Variants in TMEM201 observed in about 807,000 individuals in gnomAD.
TMEM201 encodes transmembrane protein 201, also known as RP13-15M17.2.
Under a neutral mutation model 63.4 loss-of-function variants are expected in TMEM201, and 26 were observed. The ratio of observed to expected loss-of-function variants is 0.41; its 90% CI spans 0.30 to 0.57. The LOEUF is 0.57. Among genes scored for constraint, TMEM201 ranks in the 20% least tolerant of loss-of-function variants. TMEM201 has a pLI of 0.29. For synonymous variants in TMEM201, 417 were observed against 421.6 expected (o/e 0.99, Z 0.14); for missense variants, 794 against 917.7 (o/e 0.87, Z 1.74).
intron 1 of TMEM201, among the ~76,000 whole-genome samples, chr1:9,593,395 C>A (rs988168434): frequency 7.2e-5 from 11 of 152,300 alleles, no homozygotes; most frequent in Middle Eastern, 3.4e-3. Flanking sequence ...TGGGAGAGGA[C>A]CCCCTGGCAG....
Position 9,592,330 on chromosome 1 carries a change from C to A in TMEM201, c.113+3287C>A, listed in dbSNP as rs144411969. On this transcript the variant is annotated intron_variant, in intron 1 of 10. Transcript: ENST00000340381. ...GGCCCCTGAGGGAACCTGACTCTTA[C>A]AGTCTTTCCAACCCCGCACTGGGGC... is the stretch of plus-strand genomic sequence containing the variant. 9.9e-3 allele frequency among the ~76,000 whole-genome samples: 1,512 copies of A among 152,350 alleles called. 26 individuals carry two copies. Among genetic ancestry groups the A allele is most frequent in the African/African-American group, 0.034 (1,419 of 41,578 alleles).
intron 2 of TMEM201, 138 bp from the exon 3 acceptor site, chr1:9,596,721 G>A (rs916301791): frequency 3.3e-5 from 29 of 879,284 alleles, no homozygotes; most frequent in Non-Finnish European, 4.6e-5. Flanking sequence ...CTGCTGTTGT[G>A]TGCAGAAGAA....
Position 9,608,402 on chromosome 1 carries a change from C to T in TMEM201, c.1393+613C>T, listed in dbSNP as rs569585521. The stretch of plus-strand genomic sequence containing the variant: ...CAACATGCCCCTCAGCAAAGGGGGC[C>T]ACTCTAGTTATTCTAGGGGAGGAGA... On this transcript the variant is annotated intron_variant, in intron 7 of 10. Coordinates refer to ENST00000340381, the MANE Select transcript of TMEM201 (RefSeq NM_001130924.3). The surrounding 1 kb of genome is among the most constrained non-coding windows in gnomAD (Gnocchi z 4.3). 6.6e-5 allele frequency among the ~76,000 whole-genome samples: 10 copies of T among 152,238 alleles called. No homozygotes were observed. Among genetic ancestry groups the T allele is most frequent in the Non-Finnish European group, 1.5e-4 (10 of 68,052 alleles).
At chr1:9,597,926 C>T (rs903320704) in intron 3 of TMEM201, among the ~76,000 whole-genome samples, 3 of 152,188 alleles carry the variant, frequency 2.0e-5, no homozygotes, top group East Asian at 1.9e-4. Flanking sequence ...CAGTGCTGCA[C>T]GTCTAAGGGC....
chr1:9,601,426 C>T lies in TMEM201; in HGVS notation c.928C>T (p.Leu310=). 1 of 1,592,382 alleles carries T rather than the reference C, an allele frequency of 6.3e-7. No individual in the cohort carries two copies. Among genetic ancestry groups the T allele is most frequent in the African/African-American group, 1.3e-5 (1 of 74,932 alleles). The change falls in exon 5 of 11, where the codon CTG becomes TTG. Residue 310 remains leucine, a synonymous_variant. Transcript: ENST00000340381. The stretch of plus-strand genomic sequence containing the variant: ...GGCACTGGGCCTACTCACCTGCCTG[C>T]TGGCAATGCTGCTGGCTGGCCGCAT... ...VVALGLLTCL[L]AMLLAGRIRL...
chr1:9,604,072 GAGA>G lies in TMEM201; in HGVS notation c.1160+1803_1160+1805del. 1 of 985,458 alleles carries G rather than the reference GAGA, an allele frequency of 1.0e-6. No homozygotes were observed. The highest frequency in any genetic ancestry group is 1.2e-6 in the Non-Finnish European group (1 of 829,968). The allele number at this position is 985,458 out of a possible 1,614,324, so 61.0% of individuals were successfully genotyped here. On this transcript the variant is annotated intron_variant, in intron 6 of 10. Transcript: ENST00000340381. This position sits in a 1 kb window ranked among gnomAD's most constrained non-coding sequence, Gnocchi z 4.1. ...CCCAGCCCACAAAGAGCCCATCTGA[GAGA>G]AGGACGTGGTGGAGCCAGGACGGGA...
intron 1 of TMEM201, among the ~76,000 whole-genome samples, chr1:9,594,695 T>C (rs1326053959): frequency 1.3e-5 from 2 of 152,198 alleles, no homozygotes; most frequent in Non-Finnish European, 1.5e-5. Context: ...CTCAGGCCCC[T>C]GGCCAGCCCG....
intron 6 of TMEM201, chr1:9,602,873 G>A (rs900258487): frequency 4.5e-5 from 44 of 985,584 alleles, no homozygotes; most frequent in African/African-American, 1.0e-4. Flanking sequence ...TGGTGGAGCC[G>A]TGAAGGAGGC....
chr1:9,594,124 A>G (rs1031034751), intron 1 of TMEM201, among the ~76,000 whole-genome samples: 3 of 152,146 alleles, frequency 2.0e-5, no homozygotes, highest in African/African-American at 7.2e-5. Context: ...TGGGGCAGGG[A>G]TGCTCAGCAG....
chr1:9,602,155 C>G lies in TMEM201; in HGVS notation c.1043C>G (p.Ser348Trp). ...GCTGAGCAGCACCTGCAGGCCGCCT[C>G]GCCTAGCTGGCTAGACACGCTCAAG... ...HLAEQHLQAASPSWLDTLKFS... is the reference protein window; with the variant it reads ...HLAEQHLQAAWPSWLDTLKFS... Residue 348 changes from serine (S) to tryptophan (W), a missense_variant, in exon 6 of 11, where the codon TCG becomes TGG. Physicochemically the swap from Ser to Trp is radical, Grantham distance 177. Transcript: ENST00000340381. 1 of 1,613,220 alleles carries G rather than the reference C, an allele frequency of 6.2e-7. No homozygotes were observed. Among genetic ancestry groups the G allele is most frequent in the African/African-American group, 1.3e-5 (1 of 75,070 alleles).
Position 9,601,094 on chromosome 1 carries a change from C to T in TMEM201, c.607-11C>T, listed in dbSNP as rs1267001494. 2 of 1,573,866 alleles carry T rather than the reference C, an allele frequency of 1.3e-6. No individual in the cohort carries two copies. The highest frequency in any genetic ancestry group is 2.3e-5 in the East Asian group (1 of 44,258). On this transcript the variant is annotated splice_polypyrimidine_tract_variant and intron_variant, in intron 4 of 10. Transcript: ENST00000340381. ...CCGTCTCACTAACCCGCCTCTCTTC[C>T]TCCTTTGCAGAACTTCTCCTCCGCC...
intron 4 of TMEM201, among the ~76,000 whole-genome samples, chr1:9,599,801 G>A (rs1001783696): frequency 2.6e-5 from 4 of 151,514 alleles, no homozygotes; most frequent in South Asian, 4.2e-4. Flanking sequence ...TAGTAGAGAC[G>A]GGTTTTCACC....
At chr1:9,592,367 G>A (rs1405699234) in intron 1 of TMEM201, among the ~76,000 whole-genome samples, 4 of 152,226 alleles carry the variant, frequency 2.6e-5, no homozygotes, top group African/African-American at 4.8e-5. Flanking sequence ...AGCACACAGT[G>A]TCCCAGGTCC....
chr1:9,605,044 A>G lies in TMEM201; in HGVS notation c.1161-2513A>G, dbSNP rs1644217344. On this transcript the variant is annotated intron_variant, in intron 6 of 10. Transcript: ENST00000340381. The surrounding 1 kb of genome is among the most constrained non-coding windows in gnomAD (Gnocchi z 5.7). ...GGGTGGGCAGCTGTGTTTGGGGTAC[A>G]GACACGTCCACAGGAGTCAGGTTTG... is the stretch of plus-strand genomic sequence containing the variant. 2.0e-6 allele frequency: 2 copies of G among 984,698 alleles called. No homozygotes were observed. Among genetic ancestry groups the G allele is most frequent in the Non-Finnish European group, 2.4e-6 (2 of 829,024 alleles). The allele number at this position is 984,698 out of a possible 1,614,324, so 61.0% of individuals were successfully genotyped here. A position where few individuals can be genotyped will look rare whatever the true frequency, so the allele number is the denominator to read the frequency against.
In TMEM201 at chr1:9,610,006, AC is replaced by A; in HGVS notation, c.1465+99del. The A allele has an allele frequency of 3.3e-6, 4 of 1,204,476 alleles. 1 individual carries two copies. The East Asian group carries it at 1.0e-4, about 31-fold the overall frequency. 74.6% of individuals were successfully genotyped at this position (1,204,476 alleles called of 1,614,324 possible). ...TTGTGTGAGCTTTGGGGTCAGACAG[AC>A]CCCAAGTGTGTGTTCACATCTCAGC... On this transcript the variant is annotated intron_variant, in intron 8 of 10. Transcript: ENST00000340381. The surrounding 1 kb of genome is among the most constrained non-coding windows in gnomAD (Gnocchi z 4.9).
At position 9,608,681 on chromosome 1, in the gene TMEM201, T is replaced by G. The variant is rs1439248184; in HGVS notation, c.1393+892T>G. 6.6e-6 allele frequency among the ~76,000 whole-genome samples: 1 copy of G among 152,216 alleles called. No individual in the cohort carries two copies. Among genetic ancestry groups the G allele is most frequent in the Non-Finnish European group, 1.5e-5 (1 of 68,026 alleles). ...GACCAAGGTGGCAGAGCTCAGGGAC[T>G]TCTGTTTCAAGCCCCTTGGGAGGGG... On this transcript the variant is annotated intron_variant, in intron 7 of 10. Coordinates refer to ENST00000340381, the MANE Select transcript of TMEM201 (RefSeq NM_001130924.3). This position sits in a 1 kb window ranked among gnomAD's most constrained non-coding sequence, Gnocchi z 4.3.
rs1644233919 is a variant in TMEM201 at position 9,605,906 on chromosome 1, C to A, written c.1161-1651C>A. ...CCACTAGGACCCTCCTTTCACACATCCCCCAACGGTACTCTCAGGTCACTG... is the reference window on the plus strand; with the variant it reads ...CCACTAGGACCCTCCTTTCACACATACCCCAACGGTACTCTCAGGTCACTG... On this transcript the variant is annotated intron_variant, in intron 6 of 10. Transcript: ENST00000340381. This position sits in a 1 kb window ranked among gnomAD's most constrained non-coding sequence, Gnocchi z 5.7. Among the ~76,000 whole-genome samples the A allele has an allele frequency of 6.6e-6, 1 of 152,192 alleles. No individual in the cohort carries two copies. The highest frequency in any genetic ancestry group is 2.1e-4 in the South Asian group (1 of 4,832).
Position 9,610,786 on chromosome 1 carries a change from G to A in TMEM201, c.1746G>A (p.Gln582=), listed in dbSNP as rs749290188. 7.1e-6 allele frequency: 11 copies of A among 1,544,034 alleles called. No individual in the cohort carries two copies. Among genetic ancestry groups the A allele is most frequent in the South Asian group, 4.8e-5 (4 of 83,778 alleles). Residue 582 remains glutamine, a synonymous_variant, in exon 9 of 11, where the codon CAG becomes CAA. Transcript: ENST00000340381. This position sits in a 1 kb window ranked among gnomAD's most constrained non-coding sequence, Gnocchi z 4.9. ...PPHVPRKPPL[Q]DVKHALDLRS... is the part of the protein sequence containing the mutation. Reference sequence around the variant, plus strand: ...ATGTTCCCCGGAAGCCGCCCCTGCAGGACGTGAAGCACGCCCTGGGTACGG... The same window carrying A: ...ATGTTCCCCGGAAGCCGCCCCTGCAAGACGTGAAGCACGCCCTGGGTACGG...
Position 9,607,564 on chromosome 1 carries a change from C to G in TMEM201, c.1168C>G (p.Pro390Ala), listed in dbSNP as rs1346674047. The G allele has an allele frequency of 3.5e-5, 54 of 1,549,036 alleles. No homozygotes were observed. The highest frequency in any genetic ancestry group is 4.5e-5 in the Non-Finnish European group (51 of 1,145,660). ...CCTGACGGGCCCTTGCAGGTTCTTCCCAGGAGACTCTGCCGGCCTTTTCCC... is the reference window on the plus strand; with the variant it reads ...CCTGACGGGCCCTTGCAGGTTCTTCGCAGGAGACTCTGCCGGCCTTTTCCC... ...PRRFRPRRFF[P>A]GDSAGLFPTS... Residue 390 changes from proline to alanine, a missense_variant, in exon 7 of 11, where the codon CCA becomes GCA. Transcript: ENST00000340381. This position sits in a 1 kb window ranked among gnomAD's most constrained non-coding sequence, Gnocchi z 5.4.
Sources: allele counts gnomAD v4.1 joint callset (sites outside exome capture counted in the v4.1 genomes callset), GRCh38; gene constraint gnomAD v4.1.1; non-coding constraint Gnocchi (gnomAD v3.1); transcripts MANE v1.5; gene names NCBI Gene and HGNC (gene_info 2026-07-23, HGNC 2026-07-21).